The following DPP6 variants were observed in gnomAD, a reference collection of about 807,000 sequenced individuals.
DPP6 encodes dipeptidyl peptidase like 6.
In DPP6, 69 loss-of-function variants were observed where a neutral mutation model predicts 122.6. That is an observed-to-expected ratio of 0.56 (90% CI 0.46 to 0.69). DPP6 has a LOEUF of 0.69. Among genes scored for constraint, DPP6 ranks in the 30% least tolerant of loss-of-function variants. The pLI is 0.00. For missense variants in DPP6, 928 were observed against 1,116.9 expected (o/e 0.83, Z 2.41); for synonymous variants, 418 against 433.1 (o/e 0.97, Z 0.43).
intron 1 of DPP6, chr7:154,058,444 C>G (rs1221200312): frequency 1.4e-5 from 2 of 140,630 alleles, no homozygotes; most frequent in Non-Finnish European, 3.1e-5. Flanking sequence ...GCTATCCTCT[C>G]TTCCGCACCT....
intron 1 of DPP6, among the ~76,000 whole-genome samples, chr7:154,017,699 T>TAAAAAAAAA (rs1299925458): frequency 1.2e-5 from 1 of 86,710 alleles, no homozygotes; most frequent in African/African-American, 4.9e-5. Flanking sequence ...GCCCTTGTCC[T>TAAAAAAAAA]AAAAAAAATA....
intron 7 of DPP6, among the ~76,000 whole-genome samples, chr7:154,688,937 T>C (rs769330466): frequency 6.6e-6 from 1 of 152,250 alleles, no homozygotes; most frequent in Non-Finnish European, 1.5e-5. Context: ...CATTTTCTAT[T>C]GATTTTGCAT....
intron 1 of DPP6, among the ~76,000 whole-genome samples, chr7:154,351,255 C>T (rs1355073213): frequency 6.6e-6 from 1 of 152,044 alleles, no homozygotes; most frequent in South Asian, 2.1e-4. Context: ...CATTTGGCTC[C>T]ACAGAGAGGG....
chr7:154,614,058 T>G (rs1197634316), intron 5 of DPP6, among the ~76,000 whole-genome samples: 1 of 152,212 alleles, frequency 6.6e-6, no homozygotes, highest in African/African-American at 2.4e-5. Flanking sequence ...CCTCTGTGCC[T>G]CCACTCTCCA....
At chr7:154,788,426 A>G (rs1459986873) in intron 10 of DPP6, among the ~76,000 whole-genome samples, 1 of 150,666 alleles carries the variant, frequency 6.6e-6, no homozygotes, top group African/African-American at 2.5e-5. Context: ...CCTGGGTGAC[A>G]GAGTGAGACT....
chr7:154,214,715 G>A (rs181908573), intron 1 of DPP6, among the ~76,000 whole-genome samples: 18 of 152,248 alleles, frequency 1.2e-4, no homozygotes, highest in South Asian at 4.2e-4. Flanking sequence ...CTAAGAGTTC[G>A]AGACCAGGCT....
chr7:154,488,307 T>C (rs1253523938), intron 3 of DPP6, among the ~76,000 whole-genome samples: 1 of 152,062 alleles, frequency 6.6e-6, no homozygotes, highest in East Asian at 1.9e-4. Flanking sequence ...GCTGACACAG[T>C]GAAACCCCGT....
At chr7:153,943,103 A>C (rs1801774873) in intron 1 of DPP6, among the ~76,000 whole-genome samples, 2 of 152,212 alleles carry the variant, frequency 1.3e-5, no homozygotes, top group African/African-American at 4.8e-5. Context: ...AGGAAATACC[A>C]ATATACCCTT....
At chr7:154,508,369 G>A (rs1350360662) in intron 3 of DPP6, among the ~76,000 whole-genome samples, 3 of 152,114 alleles carry the variant, frequency 2.0e-5, no homozygotes, top group Non-Finnish European at 4.4e-5. Context: ...AGGGACTGGG[G>A]TTCCCTCCAG....
At chr7:154,678,319 C>T (rs1250030932) in intron 7 of DPP6, among the ~76,000 whole-genome samples, 3 of 152,250 alleles carry the variant, frequency 2.0e-5, no homozygotes, top group African/African-American at 7.2e-5. Context: ...CTGCTGCTCG[C>T]TCTCTGGGTT....
At chr7:153,749,346 G>A in the DPP6 span, among the ~76,000 whole-genome samples, 4 of 152,238 alleles carry the variant, frequency 2.6e-5, no homozygotes, top group Admixed American at 2.6e-4. This position sits in a 1 kb window ranked among gnomAD's most constrained non-coding sequence, Gnocchi z 4.1. Context: ...CGGGAGAAGA[G>A]GTCGGCGTTG....
intron 1 of DPP6, among the ~76,000 whole-genome samples, chr7:154,406,475 GCATACACACACA>G (rs1338852426): frequency 1.4e-5 from 2 of 147,150 alleles, no homozygotes; most frequent in Non-Finnish European, 3.0e-5. Context: ...ACACGCACAC[GCATACACACACA>G]CACATGCACA....
chr7:154,796,621 A>G (rs1207450869), intron 12 of DPP6, among the ~76,000 whole-genome samples: 1 of 152,210 alleles, frequency 6.6e-6, no homozygotes, highest in Non-Finnish European at 1.5e-5. Flanking sequence ...AAATTGTCTT[A>G]AAGACTCTGG....
At chr7:153,944,777 C>T (rs1047642074) in intron 1 of DPP6, among the ~76,000 whole-genome samples, 1 of 148,014 alleles carries the variant, frequency 6.8e-6, no homozygotes, top group African/African-American at 2.5e-5. Flanking sequence ...ATTACAGGCA[C>T]ACACCACCAC....
At chr7:154,180,257 A>G (rs1798004197) in intron 1 of DPP6, among the ~76,000 whole-genome samples, 1 of 151,770 alleles carries the variant, frequency 6.6e-6, no homozygotes, top group African/African-American at 2.4e-5. Context: ...CTGAGGCATA[A>G]GAATCGCATG....
Position 154,481,390 on chromosome 7 carries a change from T to C in DPP6, c.457+6353T>C, listed in dbSNP as rs1033645689. On this transcript the variant is annotated intron_variant, in intron 3 of 25. Coordinates refer to ENST00000377770, the MANE Select transcript of DPP6 (RefSeq NM_130797.4). The surrounding 1 kb of genome is among the most constrained non-coding windows in gnomAD (Gnocchi z 4.2). ...GTGTGTGTGTCTGTGTGTGTGTGCA[T>C]GTCAGTCACTGGCTAATTTCCATGT... Among the ~76,000 whole-genome samples the C allele has an allele frequency of 2.0e-5, 3 of 151,528 alleles. No homozygotes were observed. Among genetic ancestry groups the C allele is most frequent in the Non-Finnish European group, 4.4e-5 (3 of 67,864 alleles).
intron 6 of DPP6, among the ~76,000 whole-genome samples, chr7:154,643,467 C>CTTTTTTTT (rs61520162): frequency 1.7e-5 from 2 of 117,554 alleles, no homozygotes; most frequent in African/African-American, 6.3e-5. Flanking sequence ...TGAGTAATTT[C>CTTTTTTTT]TTTTTTTTTT....
intron 1 of DPP6, among the ~76,000 whole-genome samples, chr7:154,438,471 A>G (rs28564445): frequency 3.6e-5 from 2 of 54,908 alleles, no homozygotes; most frequent in African/African-American, 1.0e-4. Context: ...CTCCAACTCA[A>G]AAAAAAAAAA....
At chr7:154,189,056 T>C (rs11770115) in intron 1 of DPP6, among the ~76,000 whole-genome samples, 11,437 of 152,248 alleles carry the variant, frequency 0.075, 564 homozygotes, top group South Asian at 0.13. Context: ...TAAGACTAGT[T>C]GTCTATAGGT....
Sources: gnomAD v4.1 joint callset for allele counts (sites outside exome capture counted in the v4.1 genomes callset) on GRCh38, gnomAD v4.1.1 for gene constraint, Gnocchi (gnomAD v3.1) non-coding constraint, MANE v1.5 for transcripts, NCBI Gene and HGNC (gene_info 2026-07-23, HGNC 2026-07-21) for gene names.